The following B3GALNT2 variants were observed in gnomAD, a reference collection of about 807,000 sequenced individuals.
The protein encoded by B3GALNT2 is beta-1,3-N-acetylgalactosaminyltransferase 2, also known as UDP-GalNAc:beta-1,3-N-acetylgalactosaminyltransferase 2.
B3GALNT2 carries 53 observed loss-of-function variants against 61.1 expected under a neutral mutation model. The observed-to-expected ratio is 0.87, with a 90% CI of 0.70 to 1.09. The LOEUF is 1.09. Among genes scored for constraint, B3GALNT2 ranks in the 50% least tolerant of loss-of-function variants. The pLI is 0.00. For missense variants in B3GALNT2, 544 were observed against 623.0 expected (o/e 0.87, Z 1.35); for synonymous variants, 223 against 237.4 (o/e 0.94, Z 0.56).
In B3GALNT2 at chr1:235,454,204, G is replaced by A. The variant is rs1558407982; in HGVS notation, c.1263C>T (p.Asp421=). The change falls in exon 10 of 12, where the codon GAC becomes GAT. Residue 421 remains aspartate, a synonymous_variant. Coordinates refer to ENST00000366600, the MANE Select transcript of B3GALNT2 (RefSeq NM_152490.5). ...ACGSGYVISK[D]IVKWLASNSG... The stretch of plus-strand genomic sequence containing the variant: ...AGTTGCTTGCCAGCCACTTGACGAT[G>A]TCCTTGGAGATCACATATCCTGACC... 8 of 1,613,068 alleles carry A rather than the reference G, an allele frequency of 5.0e-6. No homozygotes were observed. The highest frequency in any genetic ancestry group is 5.9e-6 in the Non-Finnish European group (7 of 1,179,484).
chr1:235,493,133 T>C (rs1685159126), intron 2 of B3GALNT2, among the ~76,000 whole-genome samples: 1 of 152,136 alleles, frequency 6.6e-6, no homozygotes, highest in Non-Finnish European at 1.5e-5. Context: ...TGAGACATAA[T>C]GGCAGCCTAG....
chr1:235,458,502 C>A, intron 8 of B3GALNT2, 101 bp downstream of exon 8: 2 of 1,436,906 alleles, frequency 1.4e-6, no homozygotes, highest in African/African-American at 1.5e-5. Context: ...CTAGGAAACC[C>A]CTAGTAAGGG....
intron 2 of B3GALNT2, among the ~76,000 whole-genome samples, chr1:235,491,215 T>G (rs901084441): frequency 4.6e-5 from 7 of 152,146 alleles, no homozygotes. Context: ...AGTCCTCACC[T>G]CACTGTTTAA....
At chr1:235,502,680 G>A (rs111292938) in intron 1 of B3GALNT2, among the ~76,000 whole-genome samples, 2,480 of 152,282 alleles carry the variant, frequency 0.016, 20 homozygotes, top group Middle Eastern at 0.037. Flanking sequence ...AGTCTACTAA[G>A]ATTTCAGTTT....
chr1:235,482,034 A>G (rs1347515511), intron 4 of B3GALNT2, among the ~76,000 whole-genome samples: 1 of 152,232 alleles, frequency 6.6e-6, no homozygotes, highest in Non-Finnish European at 1.5e-5. Context: ...ATTGCTAATA[A>G]TCAACATTAA....
At chr1:235,451,224 G>A (rs1162152619) in intron 11 of B3GALNT2, 1 of 152,160 alleles carries the variant, frequency 6.6e-6, no homozygotes, top group African/African-American at 2.4e-5. Context: ...GTCTGTCTCA[G>A]TCTTGCCCCT....
the B3GALNT2 span, among the ~76,000 whole-genome samples, chr1:235,439,836 C>T: frequency 2.0e-5 from 3 of 151,916 alleles, no homozygotes; most frequent in Admixed American, 2.0e-4. Flanking sequence ...GAGTCTTGCT[C>T]TGTCACCCAG....
intron 1 of B3GALNT2, among the ~76,000 whole-genome samples, chr1:235,503,727 GA>G (rs1040817920): frequency 1.3e-5 from 2 of 150,614 alleles, no homozygotes; most frequent in Non-Finnish European, 2.9e-5. Flanking sequence ...TCTTGACCGA[GA>G]AAGACCAACA....
chr1:235,504,235 C>G lies in B3GALNT2; in HGVS notation c.18G>C (p.Val6=). The G allele has an allele frequency of 6.7e-7, 1 of 1,484,706 alleles. No homozygotes were observed. Among genetic ancestry groups the G allele is most frequent in the South Asian group, 1.2e-5 (1 of 80,082 alleles). The allele number at this position is 1,484,706 out of a possible 1,614,324, so 92.0% of individuals were successfully genotyped here. The change falls in exon 1 of 12, where the codon GTG becomes GTC. Residue 6 remains valine (V), a synonymous_variant. Coordinates refer to ENST00000366600, the MANE Select transcript of B3GALNT2 (RefSeq NM_152490.5). MRNWL[V]LLCPCVLGAA... The stretch of plus-strand genomic sequence containing the variant: ...CCCCGAGCACACACGGGCACAGCAG[C>G]ACCAGCCAGTTTCGCATTGGCCGCC...
At chr1:235,469,296 C>T (rs1006098125) in intron 6 of B3GALNT2, among the ~76,000 whole-genome samples, 8 of 152,188 alleles carry the variant, frequency 5.3e-5, no homozygotes, top group Middle Eastern at 3.4e-3. Flanking sequence ...AATTTAAATG[C>T]CAAGTACATT....
intron 9 of B3GALNT2, 131 bp from the exon 10 acceptor site, chr1:235,454,446 C>CT (rs1046542025): frequency 1.2e-3 from 1,181 of 1,015,896 alleles, no homozygotes; most frequent in South Asian, 1.6e-3. Flanking sequence ...AAGAAAATTT[C>CT]TTTTTTTTTG....
chr1:235,461,467 C>T (rs558927652), intron 7 of B3GALNT2, among the ~76,000 whole-genome samples: 17 of 150,072 alleles, frequency 1.1e-4, no homozygotes, highest in Middle Eastern at 3.5e-3. Context: ...AGGCAGAACA[C>T]AGACCAGCCT....
At chr1:235,481,988 TTGTG>T (rs1404909973) in intron 4 of B3GALNT2, among the ~76,000 whole-genome samples, 1 of 152,246 alleles carries the variant, frequency 6.6e-6, no homozygotes, top group Admixed American at 6.5e-5. Context: ...TCAAATTTAT[TTGTG>T]TATTTATTGA....
chr1:235,440,064 G>A, the B3GALNT2 span, among the ~76,000 whole-genome samples: 18 of 152,190 alleles, frequency 1.2e-4, no homozygotes, highest in South Asian at 2.7e-3. Context: ...TCCGCCTCCC[G>A]GGTTCACGCC....
At position 235,448,037 on chromosome 1, in the gene B3GALNT2, C is replaced by T. The variant is rs563192260; in HGVS notation, c.*2169G>A. Among the ~76,000 whole-genome samples the T allele has an allele frequency of 9.9e-5, 15 of 151,920 alleles. No individual in the cohort carries two copies. Among genetic ancestry groups the T allele is most frequent in the Admixed American group, 2.6e-4 (4 of 15,268 alleles). Reference sequence around the variant, plus strand: ...CAGCCTGGCCAACATGGTGAAACCCCGTCTCTACTAAAAATACAAAAGTTA... The same window carrying T: ...CAGCCTGGCCAACATGGTGAAACCCTGTCTCTACTAAAAATACAAAAGTTA... On this transcript the variant is annotated 3_prime_UTR_variant, in exon 12 of 12. Transcript: ENST00000366600.
intron 1 of B3GALNT2, among the ~76,000 whole-genome samples, chr1:235,496,789 C>T (rs938482869): frequency 3.3e-5 from 5 of 152,088 alleles, no homozygotes; most frequent in South Asian, 4.1e-4. Context: ...TGTGATCCAC[C>T]GCCTCGGCCT....
At chr1:235,473,806 A>G (rs769057336) in intron 5 of B3GALNT2, among the ~76,000 whole-genome samples, 3 of 152,248 alleles carry the variant, frequency 2.0e-5, no homozygotes, top group Non-Finnish European at 4.4e-5. Context: ...GTGACCAGAT[A>G]AAAATCCTCA....
At chr1:235,451,658 A>T (rs1175882689) in intron 11 of B3GALNT2, 1 of 152,200 alleles carries the variant, frequency 6.6e-6, no homozygotes, top group Non-Finnish European at 1.5e-5. Context: ...AAAGTGGACC[A>T]TGTAGATGTG....
chr1:235,462,251 C>T (rs1290166393), intron 7 of B3GALNT2, among the ~76,000 whole-genome samples: 1 of 152,072 alleles, frequency 6.6e-6, no homozygotes, highest in Non-Finnish European at 1.5e-5. Context: ...GCCTTTTAGA[C>T]TAGTAACACA....
Sources: gnomAD v4.1 joint callset for allele counts (sites outside exome capture counted in the v4.1 genomes callset) on GRCh38, gnomAD v4.1.1 for gene constraint, MANE v1.5 for transcripts, NCBI Gene and HGNC (gene_info 2026-07-23, HGNC 2026-07-21) for gene names.